Variants in ZYX observed in about 807,000 individuals in gnomAD.
The protein encoded by ZYX is zyxin-2.
A neutral mutation model predicts 58.1 loss-of-function variants in ZYX; 37 were observed. The ratio of observed to expected loss-of-function variants is 0.64; its 90% CI spans 0.49 to 0.84. The LOEUF (loss-of-function observed/expected upper bound fraction) is 0.84, where lower values mean the gene tolerates loss of function less well. Ranked by LOEUF, ZYX falls within the 40% of genes least tolerant of loss-of-function variation. ZYX has a pLI of 0.00. For synonymous variants in ZYX, 324 were observed against 321.1 expected, an observed-to-expected ratio of 1.01 and a Z score of -0.10; for missense variants, 762 against 761.6, an observed-to-expected ratio of 1.00 and a Z score of -0.01.
In ZYX at chr7:143,387,978, C is replaced by A; in HGVS notation, c.1024-241C>A. 1 of 584,582 alleles carries A rather than the reference C, an allele frequency of 1.7e-6. No homozygotes were observed. Among genetic ancestry groups the A allele is most frequent in the Non-Finnish European group, 3.2e-6 (1 of 315,096 alleles). The allele number at this position is 584,582 out of a possible 1,614,324, so 36.2% of individuals were successfully genotyped here. On this transcript the variant is annotated intron_variant, in intron 5 of 9. Coordinates refer to ENST00000322764, the MANE Select transcript of ZYX (RefSeq NM_003461.5). This position sits in a 1 kb window ranked among gnomAD's most constrained non-coding sequence, Gnocchi z 5.8. ...TCTGTGACTGCTCAGGGGGTTTGGGCAGAGTGGGTGGAAATGTCTTGCTGT... is the reference window on the plus strand; with the variant it reads ...TCTGTGACTGCTCAGGGGGTTTGGGAAGAGTGGGTGGAAATGTCTTGCTGT...
In ZYX at chr7:143,390,971, C is replaced by T. The variant is rs111335084; in HGVS notation, c.*289C>T. Reference sequence around the variant, plus strand: ...GTGCTGCTGCTTTCACTGCTGCACCCGCGCCCTCGGCCGGCCCCCCGAGCA... The same window carrying T: ...GTGCTGCTGCTTTCACTGCTGCACCTGCGCCCTCGGCCGGCCCCCCGAGCA... On this transcript the variant is annotated 3_prime_UTR_variant, in exon 10 of 10. Coordinates refer to ENST00000322764, the MANE Select transcript of ZYX (RefSeq NM_003461.5). This position sits in a 1 kb window ranked among gnomAD's most constrained non-coding sequence, Gnocchi z 4.3. 2,392 of 427,968 alleles carry T rather than the reference C, an allele frequency of 5.6e-3. 50 individuals carry two copies. Among genetic ancestry groups the T allele is most frequent in the African/African-American group, 0.044 (2,181 of 49,482 alleles). 26.5% of individuals were successfully genotyped at this position (427,968 alleles called of 1,614,324 possible).
chr7:143,390,143 C>A lies in ZYX; in HGVS notation c.1614+166C>A. 1 of 936,292 alleles carries A rather than the reference C, an allele frequency of 1.1e-6. No homozygotes were observed. The highest frequency in any genetic ancestry group is 1.6e-6 in the Non-Finnish European group (1 of 634,776). 58.0% of individuals were successfully genotyped at this position (936,292 alleles called of 1,614,324 possible). ...TCTGTCCTGCCAGAATGCTTCCTGC[C>A]ACTGCAGGAAATGGGGCTGTGGGGC... On this transcript the variant is annotated intron_variant, in intron 9 of 9. Coordinates refer to ENST00000322764, the MANE Select transcript of ZYX (RefSeq NM_003461.5). This position sits in a 1 kb window ranked among gnomAD's most constrained non-coding sequence, Gnocchi z 4.3.
chr7:143,385,513 GGT>G (rs547913420), intron 5 of ZYX, among the ~76,000 whole-genome samples: 199 of 151,420 alleles, frequency 1.3e-3, no homozygotes, highest in African/African-American at 4.6e-3. Context: ...TGTGAGTGAA[GGT>G]GTGTGCATGT....
rs1260319325 is a variant in ZYX at position 143,383,313 on chromosome 7, C to T, written c.1014C>T (p.Asn338=). Residue 338 remains asparagine, a synonymous_variant, in exon 5 of 10, where the codon AAC becomes AAT. Transcript: ENST00000322764. The part of the protein sequence containing the change: ...KQHPVPPPAQ[N]QNQVRSPGAP... The stretch of plus-strand genomic sequence containing the variant: ...ACCCCGTGCCCCCACCGGCTCAGAA[C>T]CAAAACCAGGTGAGGGATGGTGATA... 1.2e-6 allele frequency: 2 copies of T among 1,602,330 alleles called. No individual in the cohort carries two copies. The highest frequency in any genetic ancestry group is 1.7e-6 in the Non-Finnish European group (2 of 1,174,996).
In ZYX at chr7:143,384,742, A is replaced by C. The variant is rs1465430808; in HGVS notation, c.1023+1420A>C. Among the ~76,000 whole-genome samples the C allele has an allele frequency of 6.6e-6, 1 of 152,010 alleles. No homozygotes were observed. Among genetic ancestry groups the C allele is most frequent in the Admixed American group, 6.6e-5 (1 of 15,236 alleles). On this transcript the variant is annotated intron_variant, in intron 5 of 9. Transcript: ENST00000322764. This position sits in a 1 kb window ranked among gnomAD's most constrained non-coding sequence, Gnocchi z 4.9. The stretch of plus-strand genomic sequence containing the variant: ...ATTGGAAGACAAGGGTGAGGGGAAG[A>C]GGGAAAAAAAAGTCTCCAGCACGAT...
chr7:143,382,217 C>G, intron 2 of ZYX, 31 bp from the exon 3 acceptor site: 2 of 1,596,768 alleles, frequency 1.3e-6, no homozygotes, highest in Middle Eastern at 1.7e-4. Flanking sequence ...TAGAGGGACC[C>G]CGGCCGACGT....
At position 143,387,290 on chromosome 7, in the gene ZYX, G is replaced by A. The variant is rs1214676257; in HGVS notation, c.1024-929G>A. On this transcript the variant is annotated intron_variant, in intron 5 of 9. Coordinates refer to ENST00000322764, the MANE Select transcript of ZYX (RefSeq NM_003461.5). This position sits in a 1 kb window ranked among gnomAD's most constrained non-coding sequence, Gnocchi z 5.8. Reference sequence around the variant, plus strand: ...CCAGGGCTGAGGGGAGAGGGGCTATGGGAGGAGGTAGCAGGGGGGCTTTGG... The same window carrying A: ...CCAGGGCTGAGGGGAGAGGGGCTATAGGAGGAGGTAGCAGGGGGGCTTTGG... Among the ~76,000 whole-genome samples the A allele has an allele frequency of 3.9e-5, 6 of 152,096 alleles. No individual in the cohort carries two copies. The highest frequency in any genetic ancestry group is 2.1e-4 in the South Asian group (1 of 4,830).
At chr7:143,385,145 C>T (rs1804808600) in intron 5 of ZYX, among the ~76,000 whole-genome samples, 1 of 152,112 alleles carries the variant, frequency 6.6e-6, no homozygotes, top group Non-Finnish European at 1.5e-5. Flanking sequence ...GGAGTGAGGA[C>T]TCAAGGCTAG....
Position 143,390,945 on chromosome 7 carries a change from A to G in ZYX, c.*263A>G, listed in dbSNP as rs1805052322. 1 of 493,738 alleles carries G rather than the reference A, an allele frequency of 2.0e-6. No individual in the cohort carries two copies. The highest frequency in any genetic ancestry group is 3.7e-6 in the Non-Finnish European group (1 of 271,532). 30.6% of individuals were successfully genotyped at this position (493,738 alleles called of 1,614,324 possible). On this transcript the variant is annotated 3_prime_UTR_variant, in exon 10 of 10. Transcript: ENST00000322764. This position sits in a 1 kb window ranked among gnomAD's most constrained non-coding sequence, Gnocchi z 4.3. ...CCCACCTGAGGGGGGCACCAGGTTT[A>G]GTGCTGCTGCTTTCACTGCTGCACC...
intron 5 of ZYX, among the ~76,000 whole-genome samples, chr7:143,385,399 G>A (rs960356755): frequency 2.0e-5 from 3 of 151,746 alleles, no homozygotes; most frequent in African/African-American, 7.3e-5. Flanking sequence ...TGGGTATGGT[G>A]TATGTGAGTG....
chr7:143,381,769 G>GC lies in ZYX; in HGVS notation c.203dup (p.Glu69GlyfsTer60). The GC allele has an allele frequency of 1.3e-6, 2 of 1,574,782 alleles. No homozygotes were observed. Among genetic ancestry groups the GC allele is most frequent in the Admixed American group, 1.8e-5 (1 of 55,624 alleles). The stretch of plus-strand genomic sequence containing the variant: ...GCCGGGTGGGCGAGATTCCCCCGCC[G>GC]CCCCCGGAAGGTATGCGGCGGGGCT... On this transcript the variant is annotated frameshift_variant, in exon 2 of 10. Coordinates refer to ENST00000322764, the MANE Select transcript of ZYX (RefSeq NM_003461.5). LOFTEE classifies it high-confidence loss of function.
At chr7:143,381,447 G>T (rs552114712) in intron 1 of ZYX, 38 bp downstream of exon 1, 21 of 1,291,922 alleles carry the variant, frequency 1.6e-5, no homozygotes, top group Non-Finnish European at 2.0e-5. Context: ...CCCACGGGGA[G>T]GGGGCGCGGG....
rs765299206 is a variant in ZYX, at chr7:143,382,408, G to A, written c.369G>A (p.Glu123=). The part of the protein sequence containing the change: ...IFPSPPPPPE[E]EGGPEAPIPP... ...CTTCCCCGCCGCCTCCTCCGGAGGA[G>A]GAGGGAGGGCCTGAGGCCCCCATAC... is the stretch of plus-strand genomic sequence containing the variant. Residue 123 remains glutamate (E), a synonymous_variant, in exon 3 of 10, where the codon GAG becomes GAA. Coordinates refer to ENST00000322764, the MANE Select transcript of ZYX (RefSeq NM_003461.5). 125 of 1,581,606 alleles carry A rather than the reference G, an allele frequency of 7.9e-5. No individual in the cohort carries two copies. The highest frequency in any genetic ancestry group is 1.0e-4 in the Non-Finnish European group (121 of 1,165,434).
chr7:143,388,376 C>G lies in ZYX; in HGVS notation c.1144+37C>G, dbSNP rs1410818704. 6.2e-7 allele frequency: 1 copy of G among 1,612,414 alleles called. No homozygotes were observed. The highest frequency in any genetic ancestry group is 1.7e-5 in the Admixed American group (1 of 59,880). Reference sequence around the variant, plus strand: ...CCACCGGGACACCCCCACCCTGCCCCCACATCACGGTGGGGGCCAGGGCTG... The same window carrying G: ...CCACCGGGACACCCCCACCCTGCCCGCACATCACGGTGGGGGCCAGGGCTG... On this transcript the variant is annotated intron_variant, in intron 6 of 9. Coordinates refer to ENST00000322764, the MANE Select transcript of ZYX (RefSeq NM_003461.5). This position sits in a 1 kb window ranked among gnomAD's most constrained non-coding sequence, Gnocchi z 7.5.
chr7:143,381,763 C>T lies in ZYX; in HGVS notation c.192C>T (p.Pro64=), dbSNP rs371579974. 1,968 of 1,577,228 alleles carry T rather than the reference C, an allele frequency of 1.2e-3. 2 individuals carry two copies. The highest frequency in any genetic ancestry group is 1.6e-3 in the Non-Finnish European group (1,831 of 1,161,858). ...AGATGGGCCGGGTGGGCGAGATTCC[C>T]CCGCCGCCCCCGGAAGGTATGCGGC... ...RAQMGRVGEI[P]PPPPEDFPLP... The change falls in exon 2 of 10, where the codon CCC becomes CCT. Residue 64 remains proline, a synonymous_variant. Coordinates refer to ENST00000322764, the MANE Select transcript of ZYX (RefSeq NM_003461.5).
Position 143,388,405 on chromosome 7 carries a change from C to T in ZYX, c.1144+66C>T, listed in dbSNP as rs577899589. The T allele has an allele frequency of 7.5e-6, 12 of 1,607,708 alleles. No homozygotes were observed. In the South Asian group the frequency reaches 1.1e-4, roughly 15 times the overall value. On this transcript the variant is annotated intron_variant, in intron 6 of 9. Transcript: ENST00000322764. This position sits in a 1 kb window ranked among gnomAD's most constrained non-coding sequence, Gnocchi z 7.5. ...ATCACGGTGGGGGCCAGGGCTGTGG[C>T]TCCACTCCCTATCTGAGCTGGCTGA... is the stretch of plus-strand genomic sequence containing the variant.
chr7:143,382,547 G>A lies in ZYX; in HGVS notation c.409-46G>A, dbSNP rs143134166. ...CCCCTGCACCTCTGCCTTGGGGGTG[G>A]GGGGATAGAGGCATGGAATAGGTGC... On this transcript the variant is annotated intron_variant, in intron 3 of 9. Transcript: ENST00000322764. The A allele has an allele frequency of 1.0e-4, 166 of 1,605,692 alleles. 1 individual carries two copies. In the African/African-American group the frequency reaches 2.1e-3, roughly 20 times the overall value.
At position 143,388,368 on chromosome 7, in the gene ZYX, C is replaced by A. The variant is rs1470827434; in HGVS notation, c.1144+29C>A. 3.1e-6 allele frequency: 5 copies of A among 1,612,792 alleles called. No individual in the cohort carries two copies. The highest frequency in any genetic ancestry group is 4.5e-5 in the East Asian group (2 of 44,856). On this transcript the variant is annotated intron_variant, in intron 6 of 9. Coordinates refer to ENST00000322764, the MANE Select transcript of ZYX (RefSeq NM_003461.5). This position sits in a 1 kb window ranked among gnomAD's most constrained non-coding sequence, Gnocchi z 7.5. ...AGCCCACCCCACCGGGACACCCCCA[C>A]CCTGCCCCCACATCACGGTGGGGGC...
chr7:143,388,195 G>T lies in ZYX; in HGVS notation c.1024-24G>T. On this transcript the variant is annotated intron_variant, in intron 5 of 9. Transcript: ENST00000322764. This position sits in a 1 kb window ranked among gnomAD's most constrained non-coding sequence, Gnocchi z 7.5. ...CTTGGAGGCAGCAGCCCTCTAGAGT[G>T]TGAGGAAAATGTTGGGATTGCAGGT... The T allele has an allele frequency of 6.3e-7, 1 of 1,579,544 alleles. No individual in the cohort carries two copies. Among genetic ancestry groups the T allele is most frequent in the Non-Finnish European group, 8.6e-7 (1 of 1,162,630 alleles).
Sources: gnomAD v4.1 joint callset for allele counts (sites outside exome capture counted in the v4.1 genomes callset) on GRCh38, gnomAD v4.1.1 for gene constraint, Gnocchi (gnomAD v3.1) non-coding constraint, MANE v1.5 for transcripts, NCBI Gene and HGNC (gene_info 2026-07-23, HGNC 2026-07-21) for gene names.